Variants in ITPKB observed in about 807,000 individuals in gnomAD.
The protein encoded by ITPKB is inositol-trisphosphate 3-kinase B.
Under a neutral mutation model 69.4 loss-of-function variants are expected in ITPKB, and 13 were observed. The ratio of observed to expected loss-of-function variants is 0.19; its 90% CI spans 0.12 to 0.30. The LOEUF (loss-of-function observed/expected upper bound fraction) is 0.30, where lower values mean the gene tolerates loss of function less well. ITPKB is among the 10% of genes least tolerant of loss of function. The pLI, the probability that ITPKB is intolerant of heterozygous loss-of-function variation, is 1.00. For missense variants in ITPKB, 1,240 were observed against 1,250.5 expected, an observed-to-expected ratio of 0.99 and a Z score of 0.13; for synonymous variants, 584 against 513.7, an observed-to-expected ratio of 1.14 and a Z score of -1.85.
At chr1:226,651,101 CCCA>C (rs1669183264) in intron 2 of ITPKB, among the ~76,000 whole-genome samples, 1 of 152,144 alleles carries the variant, frequency 6.6e-6, no homozygotes, top group Admixed American at 6.5e-5. Context: ...GGAGGCTGCA[CCCA>C]CCAGAGACAG....
Position 226,637,743 on chromosome 1 carries a change from T to C in ITPKB, c.2561A>G (p.Tyr854Cys), listed in dbSNP as rs1426759301. 6.2e-7 allele frequency: 1 copy of C among 1,613,422 alleles called. No individual in the cohort carries two copies. Among genetic ancestry groups the C allele is most frequent in the Admixed American group, 1.7e-5 (1 of 59,962 alleles). The change falls in exon 7 of 8, where the codon TAT (tyrosine) becomes TGT (cysteine). Residue 854 changes from tyrosine to cysteine, a missense_variant. Transcript: ENST00000429204. The surrounding 1 kb of genome is among the most constrained non-coding windows in gnomAD (Gnocchi z 4.3). ...TCGAATGGCCTTCAGCCGGTCCCGA[T>C]AGGCGATCTGGGAATAGAAAGAGGA... ...TKGNHNILIA[Y>C]RDRLKAIRTT... is the part of the protein sequence containing the mutation.
intron 2 of ITPKB, among the ~76,000 whole-genome samples, chr1:226,719,900 G>A (rs990334628): frequency 6.6e-6 from 1 of 152,208 alleles, no homozygotes; most frequent in African/African-American, 2.4e-5. Context: ...GAGTCCCTGG[G>A]GACCCGGATT....
chr1:226,646,364 G>T (rs1227611295), intron 4 of ITPKB, among the ~76,000 whole-genome samples: 1 of 152,180 alleles, frequency 6.6e-6, no homozygotes, highest in Non-Finnish European at 1.5e-5. Flanking sequence ...AGTTTGAGAG[G>T]TAATGAGAAA....
At chr1:226,636,362 G>GCA (rs1668836877) in intron 7 of ITPKB, among the ~76,000 whole-genome samples, 1 of 152,230 alleles carries the variant, frequency 6.6e-6, no homozygotes, top group South Asian at 2.1e-4. Flanking sequence ...CCTGCTAGGG[G>GCA]CACAGCAAAG....
At chr1:226,647,047 A>T in intron 4 of ITPKB, 120 bp downstream of exon 4, 1 of 795,668 alleles carries the variant, frequency 1.3e-6, no homozygotes. Flanking sequence ...TTGGTCCAAC[A>T]GCCTCCTCAG....
chr1:226,687,837 T>C (rs1312092893), intron 2 of ITPKB, among the ~76,000 whole-genome samples: 2 of 152,092 alleles, frequency 1.3e-5, no homozygotes, highest in Non-Finnish European at 2.9e-5. Flanking sequence ...ACCATAGGGA[T>C]GGAGGTAAAA....
intron 2 of ITPKB, among the ~76,000 whole-genome samples, chr1:226,718,033 G>A (rs894334948): frequency 1.3e-5 from 2 of 151,528 alleles, no homozygotes; most frequent in Non-Finnish European, 2.9e-5. Context: ...GGTAGCTCAC[G>A]CCTGTAATCC....
chr1:226,658,848 G>A (rs1340108640), intron 2 of ITPKB, among the ~76,000 whole-genome samples: 1 of 152,158 alleles, frequency 6.6e-6, no homozygotes, highest in African/African-American at 2.4e-5. Flanking sequence ...GAACGAGGAT[G>A]ATGGGTCCTT....
chr1:226,657,601 G>A (rs182960882), intron 2 of ITPKB, among the ~76,000 whole-genome samples: 7 of 152,302 alleles, frequency 4.6e-5, no homozygotes, highest in African/African-American at 1.4e-4. Context: ...ACTCTGCTGC[G>A]TGTGTGCAAA....
chr1:226,737,545 C>T lies in ITPKB; in HGVS notation c.-87G>A. The T allele has an allele frequency of 1.6e-6, 2 of 1,256,534 alleles. No individual in the cohort carries two copies. The highest frequency in any genetic ancestry group is 1.6e-5 in the African/African-American group (1 of 64,328). 77.8% of individuals were successfully genotyped at this position (1,256,534 alleles called of 1,614,324 possible). A position where few individuals can be genotyped will look rare whatever the true frequency, so the allele number is the denominator to read the frequency against. ...CCTCCTCCCGGCGCTCCCGGCTCAG[C>T]CCCGGAGGCCCGGCAGCCGCGGCTC... On this transcript the variant is annotated 5_prime_UTR_variant, in exon 2 of 8. Coordinates refer to ENST00000429204, the MANE Select transcript of ITPKB (RefSeq NM_002221.4).
chr1:226,702,584 TA>T (rs1325295224), intron 2 of ITPKB, among the ~76,000 whole-genome samples: 2 of 152,184 alleles, frequency 1.3e-5, no homozygotes, highest in Non-Finnish European at 2.9e-5. Context: ...CAAAATTGAC[TA>T]CGCTTGCACA....
intron 2 of ITPKB, among the ~76,000 whole-genome samples, chr1:226,664,009 G>A (rs1213230852): frequency 1.3e-5 from 2 of 152,148 alleles, no homozygotes; most frequent in Admixed American, 1.3e-4. Flanking sequence ...AAGAAACAGA[G>A]CATCGACATC....
In ITPKB at chr1:226,637,080, G is replaced by C. The variant is rs889194234; in HGVS notation, c.2625+599C>G. Among the ~76,000 whole-genome samples, 2 of 152,128 alleles carry C rather than the reference G, an allele frequency of 1.3e-5. No individual in the cohort carries two copies. The highest frequency in any genetic ancestry group is 4.8e-5 in the African/African-American group (2 of 41,408). ...TAGGATTGATGAGTGTGGGATCTGT[G>C]AATGTGTGTGTGAATGTGTCATGTG... is the stretch of plus-strand genomic sequence containing the variant. On this transcript the variant is annotated intron_variant, in intron 7 of 7. Coordinates refer to ENST00000429204, the MANE Select transcript of ITPKB (RefSeq NM_002221.4). The surrounding 1 kb of genome is among the most constrained non-coding windows in gnomAD (Gnocchi z 4.3).
chr1:226,668,725 A>G (rs1669552887), intron 2 of ITPKB, among the ~76,000 whole-genome samples: 1 of 152,260 alleles, frequency 6.6e-6, no homozygotes, highest in African/African-American at 2.4e-5. Context: ...TTCAAAATTA[A>G]CAGGAATAAA....
chr1:226,681,371 G>A (rs1164028697), intron 2 of ITPKB, among the ~76,000 whole-genome samples: 3 of 152,182 alleles, frequency 2.0e-5, no homozygotes, highest in Non-Finnish European at 4.4e-5. Context: ...GGCAGGGAAA[G>A]CAATTAATAT....
intron 2 of ITPKB, among the ~76,000 whole-genome samples, chr1:226,649,545 C>A (rs369547249): frequency 4.2e-5 from 6 of 142,208 alleles, no homozygotes; most frequent in Non-Finnish European, 9.1e-5. Flanking sequence ...TGTGTGCATG[C>A]GTGTGTGATA....
chr1:226,648,536 G>C, intron 3 of ITPKB, 136 bp downstream of exon 3: 1 of 685,162 alleles, frequency 1.5e-6, no homozygotes, highest in South Asian at 1.7e-5. Flanking sequence ...CAGCCTGCAA[G>C]TGTGGCTGTG....
At chr1:226,699,549 A>AC (rs1366229864) in intron 2 of ITPKB, among the ~76,000 whole-genome samples, 2 of 152,244 alleles carry the variant, frequency 1.3e-5, no homozygotes, top group Admixed American at 1.3e-4. Flanking sequence ...CACTTACCTC[A>AC]CAGGGTCATT....
intron 2 of ITPKB, among the ~76,000 whole-genome samples, chr1:226,723,400 A>T (rs1011359168): frequency 2.6e-5 from 4 of 152,100 alleles, no homozygotes; most frequent in African/African-American, 9.7e-5. Flanking sequence ...AAGATAAAAC[A>T]TCTCCTTAAT....
Sources: gnomAD v4.1 joint callset for allele counts (sites outside exome capture counted in the v4.1 genomes callset) on GRCh38, gnomAD v4.1.1 for gene constraint, Gnocchi (gnomAD v3.1) non-coding constraint, MANE v1.5 for transcripts, NCBI Gene and HGNC (gene_info 2026-07-23, HGNC 2026-07-21) for gene names.